Variants in HIC1 observed in about 807,000 individuals in gnomAD.
HIC1 encodes the protein HIC ZBTB transcriptional repressor 1, also known as hypermethylated in cancer 1 protein.
A neutral mutation model predicts 26.4 loss-of-function variants in HIC1; 9 were observed. The ratio of observed to expected loss-of-function variants is 0.34; its 90% CI spans 0.21 to 0.59. The LOEUF (loss-of-function observed/expected upper bound fraction) is 0.59. Ranked by LOEUF, HIC1 falls within the 20% of genes least tolerant of loss-of-function variation. The pLI is 0.82. For missense variants in HIC1, 965 were observed against 1,075.7 expected (o/e 0.90, Z 1.44); for synonymous variants, 631 against 523.1 (o/e 1.21, Z -2.81).
At position 2,057,489 on chromosome 17, in the gene HIC1, C is replaced by A; in HGVS notation, c.799C>A (p.Leu267Met). 1 of 1,484,282 alleles carries A rather than the reference C, an allele frequency of 6.7e-7. No homozygotes were observed. The highest frequency in any genetic ancestry group is 8.9e-7 in the Non-Finnish European group (1 of 1,123,712). 91.9% of individuals were successfully genotyped at this position (1,484,282 alleles called of 1,614,324 possible). The change falls in exon 2 of 2, where the codon CTG (leucine) becomes ATG (methionine). Residue 267 changes from leucine (L) to methionine (M), a missense_variant. Around this residue, in one of 6 missense-constraint regions of HIC1, gnomAD observed 526 missense variants for 525.0 expected, o/e 1.00. Coordinates refer to ENST00000619757, the MANE Select transcript of HIC1 (RefSeq NM_006497.4). The stretch of plus-strand genomic sequence containing the variant: ...CGCCTACAAGGAGCCGCCTCTCGCC[C>A]TGCCGTCGCTGCCGCCGCTGCCCTT... ...PAAYKEPPLA[L>M]PSLPPLPFQK...
chr17:2,058,485 G>A lies in HIC1; in HGVS notation c.1795G>A (p.Ala599Thr). The change falls in exon 2 of 2, where the codon GCG becomes ACG. Residue 599 changes from alanine (A) to threonine (T), a missense_variant. Physicochemically the swap from Ala to Thr is moderately conservative, Grantham distance 58. Coordinates refer to ENST00000619757, the MANE Select transcript of HIC1 (RefSeq NM_006497.4). ...SHMKMHAVGG[A>T]AGAAGALAGL... Reference sequence around the variant, plus strand: ...CATGAAGATGCACGCCGTGGGGGGCGCGGCCGGCGCGGCCGGGGCGCTGGC... The same window carrying A: ...CATGAAGATGCACGCCGTGGGGGGCACGGCCGGCGCGGCCGGGGCGCTGGC... The A allele has an allele frequency of 3.4e-6, 5 of 1,476,994 alleles. No individual in the cohort carries two copies. The South Asian group carries it at 7.1e-5, about 21-fold the overall frequency. 91.5% of individuals were successfully genotyped at this position (1,476,994 alleles called of 1,614,324 possible).
chr17:2,057,173 C>T lies in HIC1; in HGVS notation c.483C>T (p.Ala161=). ...GTCGGCCGGGCCGGGGCCTGCGGGC[C>T]GCCACGCCGGTCATCCAGGCCTGCT... is the stretch of plus-strand genomic sequence containing the variant. ...PYGRPGRGLR[A]ATPVIQACYP... Residue 161 remains alanine (A), a synonymous_variant, in exon 2 of 2, where the codon GCC becomes GCT. Transcript: ENST00000619757. The T allele has an allele frequency of 7.5e-7, 1 of 1,331,082 alleles. No individual in the cohort carries two copies. The highest frequency in any genetic ancestry group is 1.9e-5 in the South Asian group (1 of 51,792). The allele number at this position is 1,331,082 out of a possible 1,614,324, so 82.5% of individuals were successfully genotyped here.
chr17:2,061,465 C>CT lies in HIC1; in HGVS notation c.*2630_*2631insT, dbSNP rs1555528763. 18 of 1,358,776 alleles carry CT rather than the reference C, an allele frequency of 1.3e-5. No homozygotes were observed. Among genetic ancestry groups the CT allele is most frequent in the Admixed American group, 2.2e-5 (1 of 45,156 alleles). 84.2% of individuals were successfully genotyped at this position (1,358,776 alleles called of 1,614,324 possible). ...TGGTGGCCTTTCAGGAACGGTTCCA[C>CT]GGGGGGGGGGCCCCAGTGTGGCTCC... is the stretch of plus-strand genomic sequence containing the variant. On this transcript the variant is annotated 3_prime_UTR_variant, in exon 2 of 2. Transcript: ENST00000619757.
Position 2,059,035 on chromosome 17 carries a change from G to C in HIC1, c.*200G>C. ...GGGGTCGGGGGAGAACCCCGGGACG[G>C]GGGTGGGATGGGGTAAGGGAAATTT... is the stretch of plus-strand genomic sequence containing the variant. On this transcript the variant is annotated 3_prime_UTR_variant, in exon 2 of 2. Transcript: ENST00000619757. 1 of 494,224 alleles carries C rather than the reference G, an allele frequency of 2.0e-6. No individual in the cohort carries two copies. The highest frequency in any genetic ancestry group is 5.3e-4 in the Middle Eastern group (1 of 1,902). 30.6% of individuals were successfully genotyped at this position (494,224 alleles called of 1,614,324 possible).
In HIC1 at chr17:2,058,678, A is replaced by G. The variant is rs2067700721; in HGVS notation, c.1988A>G (p.His663Arg). The G allele has an allele frequency of 2.6e-6, 4 of 1,557,308 alleles. No homozygotes were observed. The highest frequency in any genetic ancestry group is 3.5e-6 in the Non-Finnish European group (4 of 1,156,988). ...ELLAQTTHFL[H>R]DPKVALESLY... ...CTGGCGCAGACCACGCACTTCCTGCACGACCCCAAGGTGGCGCTGGAGAGC... is the reference window on the plus strand; with the variant it reads ...CTGGCGCAGACCACGCACTTCCTGCGCGACCCCAAGGTGGCGCTGGAGAGC... Residue 663 changes from histidine to arginine, a missense_variant, in exon 2 of 2, where the codon CAC becomes CGC. By Grantham distance (29) the His-to-Arg change is conservative. This residue lies in a region of HIC1 where 210 missense variants were observed against 179.2 expected (regional missense o/e 1.17). Coordinates refer to ENST00000619757, the MANE Select transcript of HIC1 (RefSeq NM_006497.4).
chr17:2,062,708 C>G lies in HIC1; in HGVS notation c.*3873C>G, dbSNP rs1038994170. 6.6e-6 allele frequency: 1 copy of G among 152,296 alleles called. No individual in the cohort carries two copies. The allele number at this position is 152,296 out of a possible 1,614,324, so 9.4% of individuals were successfully genotyped here. On this transcript the variant is annotated 3_prime_UTR_variant, in exon 2 of 2. Coordinates refer to ENST00000619757, the MANE Select transcript of HIC1 (RefSeq NM_006497.4). ...GGTCCAGGTCCGGCAGACAGCAAGG[C>G]ACAGGAAGTGTCCTGCTGTGCTCAC...
rs1197661119 is a variant in HIC1, at chr17:2,057,662, C to T, written c.972C>T (p.Asp324=). 2 of 1,512,600 alleles carry T rather than the reference C, an allele frequency of 1.3e-6. No individual in the cohort carries two copies. The highest frequency in any genetic ancestry group is 1.2e-5 in the South Asian group (1 of 81,506). 93.7% of individuals were successfully genotyped at this position (1,512,600 alleles called of 1,614,324 possible). Residue 324 remains aspartate, a synonymous_variant, in exon 2 of 2, where the codon GAC becomes GAT. Transcript: ENST00000619757. The part of the protein sequence containing the change: ...KHEPGLGSYG[D]ELGRERGSPS... ...AGCCGGGCCTGGGTAGCTATGGCGA[C>T]GAGCTGGGCCGGGAGCGCGGCTCCC...
chr17:2,056,795 G>A lies in HIC1; in HGVS notation c.105G>A (p.Gln35=). The A allele has an allele frequency of 1.2e-6, 2 of 1,612,840 alleles. No individual in the cohort carries two copies. The highest frequency in any genetic ancestry group is 1.3e-5 in the African/African-American group (1 of 75,070). Residue 35 remains glutamine (Q), a synonymous_variant, in exon 2 of 2, where the codon CAG becomes CAA. Coordinates refer to ENST00000619757, the MANE Select transcript of HIC1 (RefSeq NM_006497.4). ...GFLCDVIIVV[Q]NALFRAHKNV... is the part of the protein sequence containing the mutation. Reference sequence around the variant, plus strand: ...TGTGCGACGTGATCATCGTGGTGCAGAACGCCCTCTTCCGCGCGCACAAGA... The same window carrying A: ...TGTGCGACGTGATCATCGTGGTGCAAAACGCCCTCTTCCGCGCGCACAAGA...
Position 2,056,997 on chromosome 17 carries a change from G to T in HIC1, c.307G>T (p.Ala103Ser), listed in dbSNP as rs1357790289. 6.5e-7 allele frequency: 1 copy of T among 1,531,328 alleles called. No individual in the cohort carries two copies. Among genetic ancestry groups the T allele is most frequent in the Non-Finnish European group, 8.7e-7 (1 of 1,143,838 alleles). The allele number at this position is 1,531,328 out of a possible 1,614,324, so 94.9% of individuals were successfully genotyped here. Residue 103 changes from alanine (A) to serine (S), a missense_variant, in exon 2 of 2, where the codon GCT becomes TCT. Around this residue, in one of 6 missense-constraint regions of HIC1, gnomAD observed 526 missense variants for 525.0 expected, o/e 1.00. Transcript: ENST00000619757. The part of the protein sequence containing the change: ...AAAAAAVAPG[A>S]EPSLGAVLAA... ...TGCGGCCGCGGCCGTGGCCCCGGGG[G>T]CTGAGCCGAGCCTGGGCGCCGTGCT...
At position 2,060,204 on chromosome 17, in the gene HIC1, C is replaced by T. The variant is rs2067732922; in HGVS notation, c.*1369C>T. 1.3e-5 allele frequency: 2 copies of T among 152,342 alleles called. No individual in the cohort carries two copies. Among genetic ancestry groups the T allele is most frequent in the Non-Finnish European group, 1.5e-5 (1 of 68,138 alleles). The allele number at this position is 152,342 out of a possible 1,614,324, so 9.4% of individuals were successfully genotyped here. Reference sequence around the variant, plus strand: ...CATTAAGATTTGCCCCTGGCTCCACCGAAAACCCCGTCTTCCCCTAAGTTG... The same window carrying T: ...CATTAAGATTTGCCCCTGGCTCCACTGAAAACCCCGTCTTCCCCTAAGTTG... On this transcript the variant is annotated 3_prime_UTR_variant, in exon 2 of 2. Transcript: ENST00000619757.
Position 2,055,294 on chromosome 17 carries a change from T to C in HIC1, c.-21+56T>C. ...CGGGGGACCCGGGACAGCCCGGTCC[T>C]CGTGCGTCGGCCGCCTCGGGTGCAT... is the stretch of plus-strand genomic sequence containing the variant. On this transcript the variant is annotated intron_variant, in intron 1 of 1. Transcript: ENST00000619757. This position sits in a 1 kb window ranked among gnomAD's most constrained non-coding sequence, Gnocchi z 6.4. 1 of 152,292 alleles carries C rather than the reference T, an allele frequency of 6.6e-6. No individual in the cohort carries two copies. The highest frequency in any genetic ancestry group is 1.5e-5 in the Non-Finnish European group (1 of 68,044). The allele number at this position is 152,292 out of a possible 1,614,324, so 9.4% of individuals were successfully genotyped here.
Position 2,057,495 on chromosome 17 carries a change from TCGCTGCCGC to T in HIC1, c.813_821del (p.Pro272_Pro274del), listed in dbSNP as rs763112872. The T allele has an allele frequency of 1.4e-5, 21 of 1,485,180 alleles. No individual in the cohort carries two copies. The African/African-American group carries it at 1.5e-4, about 10-fold the overall frequency. 92.0% of individuals were successfully genotyped at this position (1,485,180 alleles called of 1,614,324 possible). A position where few individuals can be genotyped will look rare whatever the true frequency, so the allele number is the denominator to read the frequency against. On this transcript the variant is annotated inframe_deletion, in exon 2 of 2. Coordinates refer to ENST00000619757, the MANE Select transcript of HIC1 (RefSeq NM_006497.4). ...CAAGGAGCCGCCTCTCGCCCTGCCG[TCGCTGCCGC>T]CGCTGCCCTTCCAGAAGCTGGAGGA...
Position 2,058,945 on chromosome 17 carries a change from CG to C in HIC1, c.*111del. On this transcript the variant is annotated 3_prime_UTR_variant, in exon 2 of 2. Coordinates refer to ENST00000619757, the MANE Select transcript of HIC1 (RefSeq NM_006497.4). ...ACTGTGCCCGGGACAACCGCAGCGT[CG>C]CCACAGTGGCGGCTCCACCTCTCGG... 1.0e-6 allele frequency: 1 copy of C among 1,002,342 alleles called. No individual in the cohort carries two copies. The highest frequency in any genetic ancestry group is 2.3e-5 in the South Asian group (1 of 43,126). The allele number at this position is 1,002,342 out of a possible 1,614,324, so 62.1% of individuals were successfully genotyped here. A position where few individuals can be genotyped will look rare whatever the true frequency, so the allele number is the denominator to read the frequency against.
chr17:2,057,178 C>G lies in HIC1; in HGVS notation c.488C>G (p.Thr163Arg). The change falls in exon 2 of 2, where the codon ACG becomes AGG. Residue 163 changes from threonine to arginine, a missense_variant. Around this residue, in one of 6 missense-constraint regions of HIC1, gnomAD observed 526 missense variants for 525.0 expected, o/e 1.00. Coordinates refer to ENST00000619757, the MANE Select transcript of HIC1 (RefSeq NM_006497.4). ...CCGGGCCGGGGCCTGCGGGCCGCCA[C>G]GCCGGTCATCCAGGCCTGCTACCCG... ...GRPGRGLRAA[T>R]PVIQACYPSP... 1.5e-6 allele frequency: 2 copies of G among 1,337,430 alleles called. No individual in the cohort carries two copies. The highest frequency in any genetic ancestry group is 1.9e-6 in the Non-Finnish European group (2 of 1,049,598). The allele number at this position is 1,337,430 out of a possible 1,614,324, so 82.8% of individuals were successfully genotyped here.
Position 2,058,481 on chromosome 17 carries a change from GGGCGCGGCC to G in HIC1, c.1803_1811del (p.Ala603_Ala605del), listed in dbSNP as rs752556598. On this transcript the variant is annotated inframe_deletion, in exon 2 of 2. Coordinates refer to ENST00000619757, the MANE Select transcript of HIC1 (RefSeq NM_006497.4). ...GCCACATGAAGATGCACGCCGTGGG[GGGCGCGGCC>G]GGCGCGGCCGGGGCGCTGGCGGGCT... 1.9e-4 allele frequency: 282 copies of G among 1,503,390 alleles called. 4 individuals carry two copies. Among genetic ancestry groups the G allele is most frequent in the South Asian group, 1.0e-3 (75 of 74,060 alleles). The allele number at this position is 1,503,390 out of a possible 1,614,324, so 93.1% of individuals were successfully genotyped here.
In HIC1 at chr17:2,057,329, G is replaced by T; in HGVS notation, c.639G>T (p.Ser213=). Residue 213 remains serine, a synonymous_variant, in exon 2 of 2, where the codon TCG becomes TCT. Transcript: ENST00000619757. ...GPGPAAALCA[S]ERRCSPLCGL... ...GCCCGGCCGCCGCACTCTGTGCCTCGGAGCGCCGCTGCTCCCCTCTTTGTG... is the reference window on the plus strand; with the variant it reads ...GCCCGGCCGCCGCACTCTGTGCCTCTGAGCGCCGCTGCTCCCCTCTTTGTG... 1 of 1,500,928 alleles carries T rather than the reference G, an allele frequency of 6.7e-7. No homozygotes were observed. The highest frequency in any genetic ancestry group is 2.8e-5 in the East Asian group (1 of 35,516). 93.0% of individuals were successfully genotyped at this position (1,500,928 alleles called of 1,614,324 possible).
intron 1 of HIC1, 98 bp from the exon 2 acceptor site, chr17:2,056,573 A>G (rs780076281): frequency 3.1e-5 from 45 of 1,438,692 alleles, no homozygotes; most frequent in Non-Finnish European, 4.0e-5. Context: ...GCCCCCGCTC[A>G]GCTGAGGGAA....
Position 2,061,403 on chromosome 17 carries a change from C to T in HIC1, c.*2568C>T. 1 of 1,319,046 alleles carries T rather than the reference C, an allele frequency of 7.6e-7. No homozygotes were observed. The highest frequency in any genetic ancestry group is 1.0e-6 in the Non-Finnish European group (1 of 967,422). The allele number at this position is 1,319,046 out of a possible 1,614,324, so 81.7% of individuals were successfully genotyped here. A position where few individuals can be genotyped will look rare whatever the true frequency, so the allele number is the denominator to read the frequency against. Reference sequence around the variant, plus strand: ...TTATTGTCTGGGTGGATTGGTGGCTCAGGCACGTGGGCATCTTCCGTGCTA... The same window carrying T: ...TTATTGTCTGGGTGGATTGGTGGCTTAGGCACGTGGGCATCTTCCGTGCTA... On this transcript the variant is annotated 3_prime_UTR_variant, in exon 2 of 2. Coordinates refer to ENST00000619757, the MANE Select transcript of HIC1 (RefSeq NM_006497.4).
Position 2,061,380 on chromosome 17 carries a change from A to T in HIC1, c.*2545A>T. 1 of 1,077,082 alleles carries T rather than the reference A, an allele frequency of 9.3e-7. No homozygotes were observed. Among genetic ancestry groups the T allele is most frequent in the Non-Finnish European group, 1.3e-6 (1 of 757,344 alleles). The allele number at this position is 1,077,082 out of a possible 1,614,324, so 66.7% of individuals were successfully genotyped here. ...GGCGTGGGTTGGAAGAGGATGGTTT[A>T]TTGTCTGGGTGGATTGGTGGCTCAG... On this transcript the variant is annotated 3_prime_UTR_variant, in exon 2 of 2. Coordinates refer to ENST00000619757, the MANE Select transcript of HIC1 (RefSeq NM_006497.4).
Sources: gnomAD v4.1 joint callset for allele counts on GRCh38, gnomAD v4.1.1 for gene constraint, gnomAD v4.1.1 regional missense constraint, Gnocchi (gnomAD v3.1) non-coding constraint, MANE v1.5 for transcripts, NCBI Gene and HGNC (gene_info 2026-07-23, HGNC 2026-07-21) for gene names.